The following SPAG16 variants were observed in gnomAD, a reference collection of about 807,000 sequenced individuals.
SPAG16 encodes sperm-associated antigen 16 protein.
In SPAG16, 86 loss-of-function variants were observed where a neutral mutation model predicts 80.4. The observed-to-expected ratio is 1.07, with a 90% CI of 0.90 to 1.28. SPAG16 has a LOEUF of 1.28. SPAG16 is among the 50% of genes most tolerant of loss of function. The pLI is 0.00. For synonymous variants in SPAG16, 294 were observed against 265.9 expected, an observed-to-expected ratio of 1.11 and a Z score of -1.03; for missense variants, 870 against 765.3, an observed-to-expected ratio of 1.14 and a Z score of -1.61.
intron 10 of SPAG16, among the ~76,000 whole-genome samples, chr2:213,591,115 T>C (rs1373386313): frequency 2.0e-5 from 3 of 152,242 alleles, no homozygotes; most frequent in Non-Finnish European, 4.4e-5. Flanking sequence ...TAATTGTACA[T>C]TTTTGTACAT....
At chr2:213,766,348 A>G (rs754057397) in intron 10 of SPAG16, among the ~76,000 whole-genome samples, 4 of 152,224 alleles carry the variant, frequency 2.6e-5, no homozygotes, top group African/African-American at 7.2e-5. Context: ...TGACTCTACT[A>G]TAAAACATGA....
At chr2:213,394,649 A>C (rs1174913135) in intron 9 of SPAG16, among the ~76,000 whole-genome samples, 3 of 152,064 alleles carry the variant, frequency 2.0e-5, no homozygotes, top group African/African-American at 7.2e-5. Context: ...TCATTTCTGT[A>C]ATTTTTTTAA....
intron 10 of SPAG16, among the ~76,000 whole-genome samples, chr2:213,810,102 G>T (rs1339225118): frequency 2.0e-5 from 3 of 152,200 alleles, no homozygotes; most frequent in Non-Finnish European, 4.4e-5. Context: ...GATCAGAAGA[G>T]TAAGAGAGAA....
At chr2:213,338,794 T>C (rs984572164) in intron 5 of SPAG16, among the ~76,000 whole-genome samples, 2 of 152,242 alleles carry the variant, frequency 1.3e-5, no homozygotes, top group African/African-American at 2.4e-5. Flanking sequence ...TTCTCACTTA[T>C]AAGTGGGAGC....
intron 15 of SPAG16, among the ~76,000 whole-genome samples, chr2:214,188,124 A>G (rs1293870162): frequency 6.6e-6 from 1 of 152,102 alleles, no homozygotes; most frequent in Non-Finnish European, 1.5e-5. Flanking sequence ...CTCCCTGGAT[A>G]CCCACATCTC....
At chr2:214,257,202 A>T (rs1004020048) in intron 15 of SPAG16, among the ~76,000 whole-genome samples, 1 of 151,506 alleles carries the variant, frequency 6.6e-6, no homozygotes, top group African/African-American at 2.4e-5. Context: ...TGCTAGTATA[A>T]AAAAAATGTG....
chr2:213,294,873 T>A (rs2062435387), intron 1 of SPAG16, among the ~76,000 whole-genome samples: 1 of 152,186 alleles, frequency 6.6e-6, no homozygotes, highest in African/African-American at 2.4e-5. Flanking sequence ...CTCTTTTAGG[T>A]CCTAGCTGTG....
intron 15 of SPAG16, among the ~76,000 whole-genome samples, chr2:214,189,683 C>G (rs2057594081): frequency 6.6e-6 from 1 of 151,326 alleles, no homozygotes; most frequent in Non-Finnish European, 1.5e-5. Flanking sequence ...GCATTTTTCT[C>G]CATGATATTT....
intron 10 of SPAG16, among the ~76,000 whole-genome samples, chr2:213,745,708 T>C (rs2067787577): frequency 6.6e-6 from 1 of 152,244 alleles, no homozygotes; most frequent in Non-Finnish European, 1.5e-5. Flanking sequence ...GTCTTTAGTA[T>C]ATGGTGCTTT....
chr2:213,576,660 C>T (rs764859456), intron 10 of SPAG16, among the ~76,000 whole-genome samples: 4 of 152,110 alleles, frequency 2.6e-5, no homozygotes, highest in Non-Finnish European at 4.4e-5. Flanking sequence ...AGAATGAGAT[C>T]ATGTCCTTTG....
chr2:213,888,974 T>C (rs2076673659), intron 11 of SPAG16, among the ~76,000 whole-genome samples: 1 of 152,026 alleles, frequency 6.6e-6, no homozygotes, highest in Admixed American at 6.6e-5. Context: ...ATTTTTGCTT[T>C]AATATTTGTT....
At position 214,114,810 on chromosome 2, in the gene SPAG16, C is replaced by T. The variant is rs141709802; in HGVS notation, c.1593+6549C>T. Reference sequence around the variant, plus strand: ...GCTTCGGGTGGCCCTCTGTGGGCTGCACCCACTGTCCAACCAGTCCCAGTG... The same window carrying T: ...GCTTCGGGTGGCCCTCTGTGGGCTGTACCCACTGTCCAACCAGTCCCAGTG... On this transcript the variant is annotated intron_variant, in intron 14 of 15. Coordinates refer to ENST00000331683, the MANE Select transcript of SPAG16 (RefSeq NM_024532.5). Among the ~76,000 whole-genome samples, 3 of 152,292 alleles carry T rather than the reference C, an allele frequency of 2.0e-5. No individual in the cohort carries two copies. In the East Asian group the frequency reaches 5.8e-4, roughly 29 times the overall value.
intron 9 of SPAG16, among the ~76,000 whole-genome samples, chr2:213,481,671 C>A (rs1427809571): frequency 6.6e-6 from 1 of 152,204 alleles, no homozygotes; most frequent in Non-Finnish European, 1.5e-5. Flanking sequence ...ATAAGTAACC[C>A]AGGTGTGTCC....
rs937331354 is a variant in SPAG16 at position 213,706,091 on chromosome 2, A to T, written c.1071-156394A>T. On this transcript the variant is annotated intron_variant, in intron 10 of 15. Coordinates refer to ENST00000331683, the MANE Select transcript of SPAG16 (RefSeq NM_024532.5). Reference sequence around the variant, plus strand: ...TATACCTGGCAAAAGAAAGTGTATCATTTTGGAAATTGCTGCTGAGTGTGG... The same window carrying T: ...TATACCTGGCAAAAGAAAGTGTATCTTTTTGGAAATTGCTGCTGAGTGTGG... 3.3e-5 allele frequency among the ~76,000 whole-genome samples: 5 copies of T among 152,314 alleles called. No individual in the cohort carries two copies. The East Asian group carries it at 9.7e-4, about 29-fold the overall frequency.
At chr2:213,944,153 TGG>T (rs1491225807) in intron 12 of SPAG16, among the ~76,000 whole-genome samples, 1 of 151,918 alleles carries the variant, frequency 6.6e-6, no homozygotes, top group East Asian at 1.9e-4. Context: ...CACCAATGGG[TGG>T]GGTAATATTC....
intron 15 of SPAG16, among the ~76,000 whole-genome samples, chr2:214,378,066 G>T (rs1379349014): frequency 6.6e-6 from 1 of 152,116 alleles, no homozygotes; most frequent in African/African-American, 2.4e-5. Flanking sequence ...GTGACACAGG[G>T]CCGTAAACCA....
intron 10 of SPAG16, among the ~76,000 whole-genome samples, chr2:213,782,401 TAAG>T (rs755124217): frequency 1.1e-4 from 16 of 152,234 alleles, no homozygotes; most frequent in Non-Finnish European, 1.9e-4. Flanking sequence ...GAAGAGCATT[TAAG>T]AAGAATTATG....
At chr2:214,370,487 T>C (rs932734263) in intron 15 of SPAG16, among the ~76,000 whole-genome samples, 2 of 152,182 alleles carry the variant, frequency 1.3e-5, no homozygotes, top group African/African-American at 4.8e-5. Flanking sequence ...TACAATGTGA[T>C]GTCTTGATAT....
chr2:213,369,082 T>C (rs1178285168), intron 8 of SPAG16, among the ~76,000 whole-genome samples: 1 of 152,144 alleles, frequency 6.6e-6, no homozygotes, highest in Non-Finnish European at 1.5e-5. Context: ...TTTTAAAGTG[T>C]GGAAACAATT....
Sources: allele counts gnomAD v4.1 joint callset (sites outside exome capture counted in the v4.1 genomes callset), GRCh38; gene constraint gnomAD v4.1.1; transcripts MANE v1.5; gene names NCBI Gene and HGNC (gene_info 2026-07-23, HGNC 2026-07-21).